ANXA10: variants seen among roughly 807,000 people sequenced by gnomAD.
ANXA10 encodes annexin A10.
In ANXA10, 49 loss-of-function variants were observed where a neutral mutation model predicts 53.5. That is an observed-to-expected ratio of 0.92 (90% CI 0.73 to 1.16). The LOEUF is 1.16. Among genes scored for constraint, ANXA10 ranks in the 50% most tolerant of loss-of-function variants. ANXA10 has a pLI of 0.00. For synonymous variants in ANXA10, 131 were observed against 128.9 expected (o/e 1.02, Z -0.11); for missense variants, 393 against 394.4 (o/e 1.00, Z 0.03).
Position 168,096,979 on chromosome 4 carries a change from A to G in ANXA10, c.18+4261A>G, listed in dbSNP as rs190078396. Among the ~76,000 whole-genome samples, 376 of 144,468 alleles carry G rather than the reference A, an allele frequency of 2.6e-3. 2 individuals are homozygous for G. The highest frequency in any genetic ancestry group is 8.7e-3 in the African/African-American group (345 of 39,490). 94.8% of individuals were successfully genotyped at this position (144,468 alleles called of 152,430 possible). A position where few individuals can be genotyped will look rare whatever the true frequency, so the allele number is the denominator to read the frequency against. ...TACATAAGCATATATGTATGTGTAT[A>G]TATACAACAGTCCCAAATTTTATAA... On this transcript the variant is annotated intron_variant, in intron 1 of 11. Coordinates refer to ENST00000359299, the MANE Select transcript of ANXA10 (RefSeq NM_007193.5).
At position 168,184,629 on chromosome 4, in the gene ANXA10, T is replaced by C. The variant is rs369462041; in HGVS notation, c.854T>C (p.Ile285Thr). Residue 285 changes from isoleucine (I) to threonine (T), a missense_variant, in exon 11 of 12, where the codon ATA becomes ACA. Transcript: ENST00000359299. ...AGAAGTGAAATAGACCTGCTGACCA[T>C]AAGGAAACGATACAAAGAGCGATAT... Reference protein sequence around the residue: ...IARSEIDLLTIRKRYKERYGK... With the variant: ...IARSEIDLLTTRKRYKERYGK... The C allele has an allele frequency of 1.9e-6, 3 of 1,613,922 alleles. No individual in the cohort carries two copies. Among genetic ancestry groups the C allele is most frequent in the Non-Finnish European group, 2.5e-6 (3 of 1,179,964 alleles).
intron 3 of ANXA10, among the ~76,000 whole-genome samples, chr4:168,160,084 G>A (rs537458164): frequency 2.0e-5 from 3 of 152,156 alleles, no homozygotes; most frequent in East Asian, 1.9e-4. Flanking sequence ...TCAGGGATAC[G>A]TGTGCAGAAT....
In ANXA10 at chr4:168,117,855, C is replaced by A. The variant is rs541759425; in HGVS notation, c.19-10229C>A. On this transcript the variant is annotated intron_variant, in intron 1 of 11. Transcript: ENST00000359299. The stretch of plus-strand genomic sequence containing the variant: ...CAGCAGCTCAGGCACAAGGTGGCAA[C>A]TGACCTTGGCCAGGATGCCTGTCCA... 2.0e-5 allele frequency among the ~76,000 whole-genome samples: 3 copies of A among 152,272 alleles called. No homozygotes were observed. In the South Asian group the frequency reaches 6.2e-4, roughly 32 times the overall value.
rs553621403 is a variant in ANXA10, at chr4:168,125,562, T to A, written c.19-2522T>A. Among the ~76,000 whole-genome samples the A allele has an allele frequency of 1.4e-4, 22 of 152,258 alleles. No homozygotes were observed. The South Asian group carries it at 3.9e-3, about 27-fold the overall frequency. ...ATCTGGAGGGATGTGGTTTTGTGAA[T>A]CCTGGCCACCTAATTGGCTATGAAT... is the stretch of plus-strand genomic sequence containing the variant. On this transcript the variant is annotated intron_variant, in intron 1 of 11. Transcript: ENST00000359299.
intron 1 of ANXA10, among the ~76,000 whole-genome samples, chr4:168,122,819 G>T (rs1560964167): frequency 6.6e-6 from 1 of 152,024 alleles, no homozygotes; most frequent in Non-Finnish European, 1.5e-5. Flanking sequence ...TGACCCCAAC[G>T]CCTCCCATTA....
intron 1 of ANXA10, among the ~76,000 whole-genome samples, chr4:168,112,789 G>C (rs1477750551): frequency 2.0e-5 from 3 of 152,098 alleles, no homozygotes; most frequent in Non-Finnish European, 4.4e-5. Context: ...GCAAGGCCAG[G>C]GTGGGCGGAT....
intron 2 of ANXA10, among the ~76,000 whole-genome samples, chr4:168,128,707 T>C (rs1040910641): frequency 1.3e-5 from 2 of 152,090 alleles, no homozygotes; most frequent in African/African-American, 2.4e-5. Flanking sequence ...TCTGAATCCT[T>C]CTTTGGGCAC....
chr4:168,137,030 C>T (rs1021800614), intron 2 of ANXA10, among the ~76,000 whole-genome samples: 17 of 152,186 alleles, frequency 1.1e-4, no homozygotes, highest in African/African-American at 3.9e-4. Context: ...GGAGCAGCAG[C>T]CTGGGATATA....
At chr4:168,101,893 C>T (rs551115517) in intron 1 of ANXA10, among the ~76,000 whole-genome samples, 77 of 152,140 alleles carry the variant, frequency 5.1e-4, no homozygotes, top group Non-Finnish European at 9.0e-4. Context: ...ATACTAATAC[C>T]TCCAATCTAA....
At chr4:168,181,167 G>A (rs1248255272) in intron 9 of ANXA10, among the ~76,000 whole-genome samples, 3 of 151,792 alleles carry the variant, frequency 2.0e-5, no homozygotes, top group Non-Finnish European at 2.9e-5. Flanking sequence ...AGAGGCGGGC[G>A]GATCATGAGG....
At chr4:168,149,784 C>G (rs1731467831) in intron 3 of ANXA10, among the ~76,000 whole-genome samples, 1 of 152,198 alleles carries the variant, frequency 6.6e-6, no homozygotes, top group Admixed American at 6.5e-5. Context: ...TTCAGATTAT[C>G]AGGGAAAATG....
intron 3 of ANXA10, among the ~76,000 whole-genome samples, chr4:168,154,119 G>A (rs1279362806): frequency 6.6e-6 from 1 of 152,020 alleles, no homozygotes; most frequent in Non-Finnish European, 1.5e-5. Flanking sequence ...CATATGTAAA[G>A]GGAAGAAATA....
chr4:168,105,069 A>T (rs76394669), intron 1 of ANXA10, among the ~76,000 whole-genome samples: 3,366 of 151,850 alleles, frequency 0.022, 120 homozygotes, highest in African/African-American at 0.073. Flanking sequence ...GCAAAGGTCC[A>T]TGTGGTCTTG....
At chr4:168,155,185 C>A (rs147352193) in intron 3 of ANXA10, among the ~76,000 whole-genome samples, 66 of 150,874 alleles carry the variant, frequency 4.4e-4, no homozygotes, top group Middle Eastern at 6.8e-3. Context: ...TCAAAGCTCA[C>A]CTCACAACTA....
At chr4:168,140,946 T>C (rs1731316178) in intron 3 of ANXA10, among the ~76,000 whole-genome samples, 1 of 152,228 alleles carries the variant, frequency 6.6e-6, no homozygotes, top group South Asian at 2.1e-4. Flanking sequence ...AAGTAACTTT[T>C]TTTTAACCCA....
intron 8 of ANXA10, 37 bp downstream of exon 8, chr4:168,178,020 C>CA: frequency 1.3e-6 from 2 of 1,569,002 alleles, no homozygotes; most frequent in Non-Finnish European, 1.8e-6. Context: ...GCTACTTGAC[C>CA]AATTATATAA....
At chr4:168,092,964 G>T (rs372359800) in intron 1 of ANXA10, among the ~76,000 whole-genome samples, 1 of 151,888 alleles carries the variant, frequency 6.6e-6, no homozygotes, top group East Asian at 1.9e-4. Flanking sequence ...TATTTGCTAT[G>T]CTTCTGAAGC....
At chr4:168,168,258 G>C (rs1010659794) in intron 6 of ANXA10, among the ~76,000 whole-genome samples, 2 of 152,266 alleles carry the variant, frequency 1.3e-5, no homozygotes, top group Admixed American at 1.3e-4. Flanking sequence ...TTTCTTCACA[G>C]AAGTGTTCAT....
intron 1 of ANXA10, among the ~76,000 whole-genome samples, chr4:168,109,175 C>T (rs529709082): frequency 6.6e-6 from 1 of 152,070 alleles, no homozygotes; most frequent in Non-Finnish European, 1.5e-5. Flanking sequence ...TGCTATGTAC[C>T]CATCAGATGA....
Sources: gnomAD v4.1 joint callset for allele counts (sites outside exome capture counted in the v4.1 genomes callset) on GRCh38, gnomAD v4.1.1 for gene constraint, MANE v1.5 for transcripts, NCBI Gene and HGNC (gene_info 2026-07-23, HGNC 2026-07-21) for gene names.